Variants in SWT1 observed in about 807,000 individuals in gnomAD.
SWT1 encodes the protein transcriptional protein SWT1.
SWT1 carries 33 observed loss-of-function variants against 107.3 expected under a neutral mutation model. The ratio of observed to expected loss-of-function variants is 0.31; its 90% confidence interval spans 0.23 to 0.41. The LOEUF (loss-of-function observed/expected upper bound fraction) is 0.41. SWT1 is among the 10% of genes least tolerant of loss of function. The pLI is 1.00. For synonymous variants in SWT1, 345 were observed against 348.3 expected, an observed-to-expected ratio of 0.99 and a Z score of 0.11; for missense variants, 898 against 1,028.9, an observed-to-expected ratio of 0.87 and a Z score of 1.74.
intron 16 of SWT1, among the ~76,000 whole-genome samples, chr1:185,237,395 T>C (rs1359997301): frequency 6.6e-6 from 1 of 151,966 alleles, no homozygotes; most frequent in Non-Finnish European, 1.5e-5. Context: ...GTTCATGTCC[T>C]TTGCAGGGAG....
At chr1:185,172,485 CTGAT>C (rs1303447979) in intron 4 of SWT1, among the ~76,000 whole-genome samples, 1 of 151,858 alleles carries the variant, frequency 6.6e-6, no homozygotes, top group Admixed American at 6.6e-5. Context: ...TACTTTGTAC[CTGAT>C]TGTTTTGCTA....
intron 16 of SWT1, among the ~76,000 whole-genome samples, chr1:185,270,168 A>G (rs1490148237): frequency 1.3e-5 from 2 of 152,194 alleles, no homozygotes; most frequent in African/African-American, 2.4e-5. Context: ...AAGAAGATAA[A>G]TCACATAAAA....
chr1:185,289,329 G>T (rs567042544), intron 18 of SWT1, among the ~76,000 whole-genome samples: 2 of 152,136 alleles, frequency 1.3e-5, no homozygotes, highest in Non-Finnish European at 2.9e-5. Flanking sequence ...GGCTTCTTCC[G>T]TGGTGGACCT....
Position 185,206,746 on chromosome 1 carries a change from A to G in SWT1, c.1955A>G (p.Tyr652Cys). 1 of 1,598,866 alleles carries G rather than the reference A, an allele frequency of 6.3e-7. No individual in the cohort carries two copies. The highest frequency in any genetic ancestry group is 1.1e-5 in the South Asian group (1 of 88,328). The change falls in exon 13 of 19, where the codon TAC becomes TGC. Residue 652 changes from tyrosine to cysteine, a missense_variant. Tyr to Cys is a radical substitution (Grantham distance 194, BLOSUM62 -2). Coordinates refer to ENST00000367500, the MANE Select transcript of SWT1 (RefSeq NM_017673.7). ...KNLLLTIESLYKNLRKANKAV... is the reference protein window; with the variant it reads ...KNLLLTIESLCKNLRKANKAV... ...TTGCTTTTAACTATTGAGAGCCTAT[A>G]CAAAAATCTCCGTAAAGGTATGAAT... is the stretch of plus-strand genomic sequence containing the variant.
intron 2 of SWT1, among the ~76,000 whole-genome samples, chr1:185,166,076 A>G (rs1654546565): frequency 6.6e-6 from 1 of 152,150 alleles, no homozygotes; most frequent in South Asian, 2.1e-4. Flanking sequence ...CACACTAAAT[A>G]TATTACTTGT....
In SWT1 at chr1:185,235,513, C is replaced by A. The variant is rs528289655; in HGVS notation, c.2441+3805C>A. ...AAAGGCCTTTGACAAAATTCAGCAG[C>A]CCTTCATGCTAAAAACTCTCAGTAA... On this transcript the variant is annotated intron_variant, in intron 16 of 18. Coordinates refer to ENST00000367500, the MANE Select transcript of SWT1 (RefSeq NM_017673.7). 7.1e-4 allele frequency among the ~76,000 whole-genome samples: 108 copies of A among 152,146 alleles called. 1 individual carries two copies. Among genetic ancestry groups the A allele is most frequent in the Non-Finnish European group, 3.2e-4 (22 of 68,024 alleles).
chr1:185,286,471 G>A (rs933536774), intron 18 of SWT1, among the ~76,000 whole-genome samples: 103 of 152,102 alleles, frequency 6.8e-4, no homozygotes, highest in African/African-American at 2.3e-3. Context: ...TGATCTGCCC[G>A]CCTCAGCCTC....
intron 16 of SWT1, among the ~76,000 whole-genome samples, chr1:185,234,192 T>A (rs1176844643): frequency 6.6e-6 from 1 of 152,204 alleles, no homozygotes; most frequent in Non-Finnish European, 1.5e-5. Flanking sequence ...GTCTCATTGA[T>A]CTGTCTAATA....
intron 13 of SWT1, among the ~76,000 whole-genome samples, chr1:185,208,694 C>G (rs1439093436): frequency 5.3e-5 from 8 of 151,736 alleles, no homozygotes; most frequent in Admixed American, 1.3e-4. Context: ...ATTTAAAGCA[C>G]CTAGTCATTT....
At chr1:185,256,808 G>T (rs953067998) in intron 16 of SWT1, among the ~76,000 whole-genome samples, 3 of 152,146 alleles carry the variant, frequency 2.0e-5, no homozygotes, top group African/African-American at 7.2e-5. Context: ...ATCCAGCTTT[G>T]TTCCATTGCT....
chr1:185,230,182 C>T (rs899142009), intron 15 of SWT1, among the ~76,000 whole-genome samples: 1 of 152,174 alleles, frequency 6.6e-6, no homozygotes, highest in Non-Finnish European at 1.5e-5. Flanking sequence ...CTAAAGTCTA[C>T]CGTAGTCAAC....
chr1:185,177,570 A>C (rs757446091), intron 5 of SWT1, among the ~76,000 whole-genome samples: 3 of 152,232 alleles, frequency 2.0e-5, no homozygotes, highest in Non-Finnish European at 2.9e-5. Flanking sequence ...TATCTTCAGC[A>C]TATTATTGAC....
intron 18 of SWT1, 79 bp from the exon 19 acceptor site, chr1:185,290,595 A>T: frequency 9.7e-7 from 1 of 1,033,850 alleles, no homozygotes; most frequent in Non-Finnish European, 1.3e-6. Context: ...GTCAATTAAA[A>T]TGTAAAATAA....
chr1:185,174,755 T>C lies in SWT1; in HGVS notation c.608T>C (p.Leu203Ser). 2 of 1,611,446 alleles carry C rather than the reference T, an allele frequency of 1.2e-6. No homozygotes were observed. The highest frequency in any genetic ancestry group is 1.7e-6 in the Non-Finnish European group (2 of 1,179,448). ...AGAGACAATTCTGAAAAATGTGTCT[T>C]AGAGAAATGGAAGAGAAATCAATTT... The part of the protein sequence containing the change: ...KFRDNSEKCV[L>S]EKWKRNQFSQ... The change falls in exon 5 of 19, where the codon TTA (leucine) becomes TCA (serine). Residue 203 changes from leucine (L) to serine (S), a missense_variant. Coordinates refer to ENST00000367500, the MANE Select transcript of SWT1 (RefSeq NM_017673.7).
At chr1:185,237,640 A>G (rs1571585696) in intron 16 of SWT1, among the ~76,000 whole-genome samples, 2 of 152,148 alleles carry the variant, frequency 1.3e-5, no homozygotes, top group African/African-American at 2.4e-5. Context: ...TGGAACGTGT[A>G]TACCTATGTA....
intron 7 of SWT1, among the ~76,000 whole-genome samples, chr1:185,183,158 G>A (rs1656169167): frequency 6.6e-6 from 1 of 151,372 alleles, no homozygotes; most frequent in Non-Finnish European, 1.5e-5. Flanking sequence ...AAAAAGTAAT[G>A]CTACCTTACA....
At chr1:185,270,144 CTAACT>C (rs1170444643) in intron 16 of SWT1, among the ~76,000 whole-genome samples, 2 of 152,068 alleles carry the variant, frequency 1.3e-5, no homozygotes, top group Non-Finnish European at 2.9e-5. Flanking sequence ...GACAGTTATC[CTAACT>C]TAACAGATAA....
intron 4 of SWT1, among the ~76,000 whole-genome samples, chr1:185,169,337 T>C (rs796639153): frequency 4.9e-4 from 74 of 151,990 alleles, no homozygotes; most frequent in African/African-American, 1.6e-3. Context: ...TTAAACTAGT[T>C]ACCTTTTGTT....
At chr1:185,202,509 A>AT (rs1304679905) in intron 10 of SWT1, 145 bp from the exon 11 acceptor site, 14 of 525,940 alleles carry the variant, frequency 2.7e-5, no homozygotes, top group African/African-American at 4.1e-5. Flanking sequence ...CAAAGCTCAT[A>AT]TTTTTTTAAA....
Sources: allele counts gnomAD v4.1 joint callset (sites outside exome capture counted in the v4.1 genomes callset), GRCh38; gene constraint gnomAD v4.1.1; transcripts MANE v1.5; gene names NCBI Gene and HGNC (gene_info 2026-07-23, HGNC 2026-07-21).